GRB14: variants seen among roughly 807,000 people sequenced by gnomAD.
GRB14 encodes growth factor receptor-bound protein 14.
In GRB14, 38 loss-of-function variants were observed where a neutral mutation model predicts 69.1. The observed-to-expected ratio is 0.55, with a 90% confidence interval of 0.42 to 0.72. The LOEUF (loss-of-function observed/expected upper bound fraction) is 0.72, where lower values mean the gene tolerates loss of function less well. Ranked by LOEUF, GRB14 falls within the 30% of genes least tolerant of loss-of-function variation. GRB14 has a pLI of 0.00. For synonymous variants in GRB14, 247 were observed against 241.3 expected (o/e 1.02, Z -0.22); for missense variants, 666 against 666.1 (o/e 1.00, Z 0.00).
intron 2 of GRB14, chr2:164,568,243 T>C (rs1689032200): frequency 1.1e-6 from 1 of 938,796 alleles, no homozygotes; most frequent in South Asian, 1.4e-5. Context: ...TATGTATTAA[T>C]AAACACACAG....
chr2:164,496,991 A>T lies in GRB14; in HGVS notation c.1382+17T>A. ...ATCCAATTCACAAGTACTCAAAATT[A>T]AAAATACCAAACTTACCCATCCACA... On this transcript the variant is annotated intron_variant, in intron 12 of 13. Coordinates refer to ENST00000263915, the MANE Select transcript of GRB14 (RefSeq NM_004490.3). 2 of 1,599,940 alleles carry T rather than the reference A, an allele frequency of 1.3e-6. No individual in the cohort carries two copies. Among genetic ancestry groups the T allele is most frequent in the Non-Finnish European group, 1.7e-6 (2 of 1,167,318 alleles).
chr2:164,613,306 G>A (rs932752193), intron 2 of GRB14, among the ~76,000 whole-genome samples: 2 of 152,058 alleles, frequency 1.3e-5, no homozygotes, highest in African/African-American at 4.8e-5. Context: ...GCTGCCCCTA[G>A]GACATAGTGC....
At chr2:164,573,922 C>T (rs1804668) in intron 2 of GRB14, 37 of 1,612,976 alleles carry the variant, frequency 2.3e-5, no homozygotes, top group Middle Eastern at 1.8e-4. Flanking sequence ...TTATGGGTAA[C>T]AATGCAGTCT....
intron 2 of GRB14, among the ~76,000 whole-genome samples, chr2:164,597,526 T>C (rs571701694): frequency 6.6e-6 from 1 of 152,306 alleles, no homozygotes; most frequent in South Asian, 2.1e-4. Context: ...TCACTTTCCC[T>C]AAATCTAAAA....
intron 2 of GRB14, among the ~76,000 whole-genome samples, chr2:164,558,850 G>A (rs1254747156): frequency 6.6e-6 from 1 of 152,178 alleles, no homozygotes; most frequent in African/African-American, 2.4e-5. Flanking sequence ...GAAAACGTGA[G>A]GTGGAGAAAG....
intron 2 of GRB14, among the ~76,000 whole-genome samples, chr2:164,577,939 A>C (rs1320199109): frequency 6.6e-6 from 1 of 152,230 alleles, no homozygotes; most frequent in African/African-American, 2.4e-5. Context: ...GAAATAACTC[A>C]AGAATGCTTT....
chr2:164,580,526 G>A (rs1160208226), intron 2 of GRB14, among the ~76,000 whole-genome samples: 1 of 151,894 alleles, frequency 6.6e-6, no homozygotes, highest in Non-Finnish European at 1.5e-5. Flanking sequence ...GCAACATGGT[G>A]AAATCCCATT....
In GRB14 at chr2:164,595,415, C is replaced by T. The variant is rs73971059; in HGVS notation, c.324+24272G>A. Among the ~76,000 whole-genome samples, 359 of 152,200 alleles carry T rather than the reference C, an allele frequency of 2.4e-3. 1 individual carries two copies. The highest frequency in any genetic ancestry group is 8.3e-3 in the African/African-American group (345 of 41,502). On this transcript the variant is annotated intron_variant, in intron 2 of 13. Transcript: ENST00000263915. Reference sequence around the variant, plus strand: ...AACAAACACAATGGACACAGTGAGGCCTAAGGAGTATGTGATTTGTTTTTC... The same window carrying T: ...AACAAACACAATGGACACAGTGAGGTCTAAGGAGTATGTGATTTGTTTTTC...
chr2:164,574,036 C>A, intron 2 of GRB14: 2 of 1,303,624 alleles, frequency 1.5e-6, no homozygotes, highest in Non-Finnish European at 1.1e-6. Flanking sequence ...ATTGTTGCAG[C>A]AATAAATATG....
chr2:164,525,808 G>A (rs975355793), intron 4 of GRB14, among the ~76,000 whole-genome samples: 1 of 151,850 alleles, frequency 6.6e-6, no homozygotes, highest in African/African-American at 2.4e-5. Context: ...TCTGTGTTGA[G>A]GGGGGGCACT....
intron 8 of GRB14, among the ~76,000 whole-genome samples, 186 bp downstream of exon 8, chr2:164,508,269 G>A (rs548801735): frequency 1.3e-5 from 2 of 152,290 alleles, no homozygotes; most frequent in Admixed American, 1.3e-4. Flanking sequence ...AAATGTATTA[G>A]GTTATTCCAC....
At chr2:164,546,438 A>C (rs1688376999) in intron 3 of GRB14, among the ~76,000 whole-genome samples, 1 of 152,224 alleles carries the variant, frequency 6.6e-6, no homozygotes, top group Non-Finnish European at 1.5e-5. Context: ...TCCCCAACAG[A>C]AAACCAAAAC....
chr2:164,596,922 A>G (rs1026949442), intron 2 of GRB14, among the ~76,000 whole-genome samples: 2 of 152,196 alleles, frequency 1.3e-5, no homozygotes, highest in Admixed American at 1.3e-4. Flanking sequence ...AAAAAAAATG[A>G]TTCCTAGATC....
chr2:164,536,684 A>G (rs918102902), intron 3 of GRB14, among the ~76,000 whole-genome samples: 3 of 152,214 alleles, frequency 2.0e-5, no homozygotes, highest in African/African-American at 7.2e-5. Flanking sequence ...ATCAGTCTTC[A>G]AAGGAAGAAT....
Position 164,559,332 on chromosome 2 carries a change from G to T in GRB14, c.325-11516C>A, listed in dbSNP as rs982192993. ...TTCCATGAGTTATTGGGGTACAGGTGGTATTTGGTTACATGAATAAGTTCC... is the reference window on the plus strand; with the variant it reads ...TTCCATGAGTTATTGGGGTACAGGTTGTATTTGGTTACATGAATAAGTTCC... On this transcript the variant is annotated intron_variant, in intron 2 of 13. Transcript: ENST00000263915. Among the ~76,000 whole-genome samples, 33 of 151,912 alleles carry T rather than the reference G, an allele frequency of 2.2e-4. 1 individual carries two copies.
chr2:164,531,963 C>T (rs114571396), intron 3 of GRB14, among the ~76,000 whole-genome samples: 2,147 of 152,240 alleles, frequency 0.014, 40 homozygotes, highest in African/African-American at 0.047. Flanking sequence ...TATTGTAGTG[C>T]CACATTCCTG....
chr2:164,493,207 A>C (rs768197664), intron 13 of GRB14, 25 bp from the exon 14 acceptor site: 1 of 1,603,636 alleles, frequency 6.2e-7, no homozygotes, highest in Admixed American at 1.7e-5. Flanking sequence ...GCAACAAATA[A>C]GTAAAGAGGA....
intron 2 of GRB14, among the ~76,000 whole-genome samples, chr2:164,565,989 T>C (rs1210457865): frequency 6.6e-6 from 1 of 152,134 alleles, no homozygotes; most frequent in Non-Finnish European, 1.5e-5. Flanking sequence ...CTACGGAGCA[T>C]TTTCAGAATG....
chr2:164,570,185 G>A (rs943738878), intron 2 of GRB14, among the ~76,000 whole-genome samples: 3 of 149,952 alleles, frequency 2.0e-5, no homozygotes, highest in Non-Finnish European at 4.4e-5. Context: ...TGAGAGGCAG[G>A]AGAATTGCTT....
Sources: allele counts gnomAD v4.1 joint callset (sites outside exome capture counted in the v4.1 genomes callset), GRCh38; gene constraint gnomAD v4.1.1; transcripts MANE v1.5; gene names NCBI Gene and HGNC (gene_info 2026-07-23, HGNC 2026-07-21).